The following RIMOC1 variants were observed in gnomAD, a reference collection of about 807,000 sequenced individuals.
The protein encoded by RIMOC1 is RAB7A-interacting MON1-CCZ1 complex subunit 1.
the RIMOC1 span, among the ~76,000 whole-genome samples, chr5:41,910,352 G>T: frequency 8.6e-5 from 13 of 151,620 alleles, no homozygotes; most frequent in African/African-American, 2.9e-4. Flanking sequence ...CAACTGTTCT[G>T]CCTTCCATTC....
the RIMOC1 span, among the ~76,000 whole-genome samples, chr5:41,914,872 T>G: frequency 2.6e-5 from 4 of 152,192 alleles, no homozygotes; most frequent in Non-Finnish European, 4.4e-5. Context: ...TACTCCTAAG[T>G]CCTAATTTGA....
the RIMOC1 span, chr5:41,912,140 A>T: frequency 1.2e-6 from 2 of 1,611,430 alleles, no homozygotes; most frequent in Non-Finnish European, 1.7e-6. Flanking sequence ...TAAATGAAGG[A>T]GTTTCTTTCC....
chr5:41,905,649 T>G, the RIMOC1 span, among the ~76,000 whole-genome samples: 7 of 152,372 alleles, frequency 4.6e-5, no homozygotes, highest in African/African-American at 1.4e-4. Context: ...TGAATAATTC[T>G]TGGGTAGTAG....
At chr5:41,917,336 A>G in the RIMOC1 span, 1 of 1,536,970 alleles carries the variant, frequency 6.5e-7, no homozygotes, top group Non-Finnish European at 8.7e-7. Flanking sequence ...GAAAAACAAC[A>G]AAACCCATGA....
At chr5:41,907,004 G>A in the RIMOC1 span, among the ~76,000 whole-genome samples, 2 of 152,128 alleles carry the variant, frequency 1.3e-5, no homozygotes, top group South Asian at 4.1e-4. Flanking sequence ...GTACCTTGAA[G>A]TGGACACATA....
At chr5:41,916,495 T>C in the RIMOC1 span, 1 of 955,636 alleles carries the variant, frequency 1.0e-6, no homozygotes, top group Non-Finnish European at 1.2e-6. Context: ...TTTAAAATTG[T>C]ATGGACTCTC....
chr5:41,905,570 A>G, the RIMOC1 span, among the ~76,000 whole-genome samples: 1 of 152,250 alleles, frequency 6.6e-6, no homozygotes, highest in Admixed American at 6.5e-5. Context: ...GTGCCAGGCC[A>G]GGAGTGTGTT....
At chr5:41,917,180 G>A in the RIMOC1 span, 3 of 1,613,840 alleles carry the variant, frequency 1.9e-6, no homozygotes, top group East Asian at 2.2e-5. Context: ...TTTCCGAGAA[G>A]TAGGAGAAAA....
the RIMOC1 span, chr5:41,904,593 G>A: frequency 1.2e-6 from 1 of 819,494 alleles, no homozygotes; most frequent in Non-Finnish European, 2.0e-6. Flanking sequence ...GTGGTTACCC[G>A]AGGTCTGTCG....
At chr5:41,917,618 T>C in the RIMOC1 span, 4 of 996,152 alleles carry the variant, frequency 4.0e-6, no homozygotes, top group Non-Finnish European at 4.8e-6. Flanking sequence ...TTTATTGTGG[T>C]ATATGTAACA....
At chr5:41,907,714 C>T in the RIMOC1 span, 2 of 1,466,580 alleles carry the variant, frequency 1.4e-6, no homozygotes, top group Non-Finnish European at 1.9e-6. Context: ...TGAAGTAATC[C>T]TCATGTTTTT....
chr5:41,904,652 A>G, the RIMOC1 span, among the ~76,000 whole-genome samples: 1 of 152,102 alleles, frequency 6.6e-6, no homozygotes, highest in Non-Finnish European at 1.5e-5. Context: ...AGAACTCACA[A>G]TGCCAAGGCG....
the RIMOC1 span, chr5:41,911,112 A>G: frequency 3.7e-6 from 6 of 1,610,800 alleles, no homozygotes; most frequent in Non-Finnish European, 5.1e-6. Flanking sequence ...GCCCTGCTGT[A>G]TATGTATTGT....
chr5:41,909,728 CTTT>C, the RIMOC1 span: 435 of 1,246,508 alleles, frequency 3.5e-4, no homozygotes, highest in South Asian at 7.4e-4. Context: ...AGATATCTTT[CTTT>C]TTTTTTTTTT....
the RIMOC1 span, chr5:41,910,937 A>G: frequency 8.0e-7 from 1 of 1,243,978 alleles, no homozygotes; most frequent in Non-Finnish European, 1.1e-6. Flanking sequence ...AACAAAGGGA[A>G]CATTTTGTGA....
the RIMOC1 span, among the ~76,000 whole-genome samples, chr5:41,914,297 C>A: frequency 6.6e-6 from 1 of 152,012 alleles, no homozygotes; most frequent in African/African-American, 2.4e-5. Context: ...AGTATAGGCA[C>A]CATAGCAGTT....
At chr5:41,918,693 T>A in the RIMOC1 span, 9 of 985,182 alleles carry the variant, frequency 9.1e-6, no homozygotes, top group African/African-American at 1.4e-4. Flanking sequence ...TAGGGTGGCC[T>A]CTCTCCCATT....
chr5:41,907,785 G>A, the RIMOC1 span: 13 of 1,609,710 alleles, frequency 8.1e-6, no homozygotes, highest in African/African-American at 1.3e-5. Flanking sequence ...TGAAACTCCT[G>A]TGTGGAGAAG....
the RIMOC1 span, chr5:41,919,105 T>C: frequency 6.6e-6 from 1 of 152,178 alleles, no homozygotes; most frequent in South Asian, 2.1e-4. Context: ...CTGTAACTTG[T>C]ATCCTGACTT....
Sources: allele counts gnomAD v4.1 joint callset (sites outside exome capture counted in the v4.1 genomes callset), GRCh38; gene constraint gnomAD v4.1.1; transcripts MANE v1.5; gene names NCBI Gene and HGNC (gene_info 2026-07-23, HGNC 2026-07-21).